The following OR1I1 variants were observed in gnomAD, a reference collection of about 807,000 sequenced individuals.
OR1I1 encodes the protein olfactory receptor family 1 subfamily I member 1, also known as olfactory receptor 1I1.
For synonymous variants in OR1I1, 171 were observed against 181.4 expected (o/e 0.94, Z 0.46); for missense variants, 451 against 443.6 (o/e 1.02, Z -0.15).
Position 15,087,951 on chromosome 19 carries a change from G to A in OR1I1, c.886G>A (p.Asp296Asn). Reference sequence around the variant, plus strand: ...CTTTATCTACAGCATACGGAACAAGGATATGAAGGCAGCCCTGGGGAAGCT... The same window carrying A: ...CTTTATCTACAGCATACGGAACAAGAATATGAAGGCAGCCCTGGGGAAGCT... ...NPFIYSIRNK[D>N]MKAALGKLIG... The change falls in exon 2 of 2, where the codon GAT becomes AAT. Residue 296 changes from aspartate (D) to asparagine (N), a missense_variant. By Grantham distance (23) the Asp-to-Asn change is conservative. Coordinates refer to ENST00000641398, the MANE Select transcript of OR1I1 (RefSeq NM_001004713.2). The A allele has an allele frequency of 6.2e-7, 1 of 1,614,032 alleles. No homozygotes were observed. Among genetic ancestry groups the A allele is most frequent in the African/African-American group, 1.3e-5 (1 of 75,042 alleles).
chr19:15,087,239 C>T lies in OR1I1; in HGVS notation c.174C>T (p.Pro58=). 6.2e-7 allele frequency: 1 copy of T among 1,614,098 alleles called. No homozygotes were observed. Among genetic ancestry groups the T allele is most frequent in the Non-Finnish European group, 8.5e-7 (1 of 1,179,998 alleles). The part of the protein sequence containing the change: ...AIITDSHLHT[P]MYFFLFNLSL... ...TCACGGACTCTCACCTCCACACACC[C>T]ATGTACTTCTTTCTCTTCAACCTCT... Residue 58 remains proline (P), a synonymous_variant, in exon 2 of 2, where the codon CCC becomes CCT. Coordinates refer to ENST00000641398, the MANE Select transcript of OR1I1 (RefSeq NM_001004713.2).
rs1480438899 is a variant in OR1I1 at position 15,089,022 on chromosome 19, A to G, written c.*889A>G. ...GGTCAGTCGATCGATTGATCAATCG[A>G]TCAACAGATAGATGATAGATAGATG... On this transcript the variant is annotated 3_prime_UTR_variant, in exon 2 of 2. Transcript: ENST00000641398. 1 of 151,562 alleles carries G rather than the reference A, an allele frequency of 6.6e-6. No homozygotes were observed. The highest frequency in any genetic ancestry group is 1.5e-5 in the Non-Finnish European group (1 of 67,880). 9.4% of individuals were successfully genotyped at this position (151,562 alleles called of 1,614,324 possible).
chr19:15,083,585 T>C (rs2145300921), intron 1 of OR1I1, among the ~76,000 whole-genome samples: 1 of 71,046 alleles, frequency 1.4e-5, no homozygotes, highest in East Asian at 3.2e-4. Flanking sequence ...AGTCCAACAC[T>C]AAAAAGCCTC....
chr19:15,089,027 CAGAT>C lies in OR1I1; in HGVS notation c.*899_*902del, dbSNP rs139050363. 436 of 150,352 alleles carry C rather than the reference CAGAT, an allele frequency of 2.9e-3. No homozygotes were observed. Among genetic ancestry groups the C allele is most frequent in the African/African-American group, 0.01 (421 of 40,926 alleles). The allele number at this position is 150,352 out of a possible 1,614,324, so 9.3% of individuals were successfully genotyped here. On this transcript the variant is annotated 3_prime_UTR_variant, in exon 2 of 2. Transcript: ENST00000641398. ...GTCGATCGATTGATCAATCGATCAA[CAGAT>C]AGATGATAGATAGATGGATGGATAG...
rs1466268760 is a variant in OR1I1 at position 15,087,372 on chromosome 19, G to A, written c.307G>A (p.Ala103Thr). The change falls in exon 2 of 2, where the codon GCC becomes ACC. Residue 103 changes from alanine (A) to threonine (T), a missense_variant. Ala to Thr is a moderately conservative substitution (Grantham distance 58). Coordinates refer to ENST00000641398, the MANE Select transcript of OR1I1 (RefSeq NM_001004713.2). The stretch of plus-strand genomic sequence containing the variant: ...TGTGGGCTGCCTCACCCAGATGTAT[G>A]CCTTCCACCTGTTCGGGACCATGGA... Reference protein sequence around the residue: ...PFVGCLTQMYAFHLFGTMDSF... With the variant: ...PFVGCLTQMYTFHLFGTMDSF... The A allele has an allele frequency of 1.9e-6, 3 of 1,614,166 alleles. No homozygotes were observed. Among genetic ancestry groups the A allele is most frequent in the Non-Finnish European group, 2.5e-6 (3 of 1,180,038 alleles).
Position 15,087,260 on chromosome 19 carries a change from C to G in OR1I1, c.195C>G (p.Asn65Lys), listed in dbSNP as rs759416088. 6.2e-6 allele frequency: 10 copies of G among 1,613,994 alleles called. No homozygotes were observed. The East Asian group carries it at 1.8e-4, about 29-fold the overall frequency. ...CACCCATGTACTTCTTTCTCTTCAACCTCTCACTCGTTGACACCCTATTAT... is the reference window on the plus strand; with the variant it reads ...CACCCATGTACTTCTTTCTCTTCAAGCTCTCACTCGTTGACACCCTATTAT... Reference protein sequence around the residue: ...LHTPMYFFLFNLSLVDTLLSS... With the variant: ...LHTPMYFFLFKLSLVDTLLSS... Residue 65 changes from asparagine to lysine, a missense_variant, in exon 2 of 2, where the codon AAC becomes AAG. Coordinates refer to ENST00000641398, the MANE Select transcript of OR1I1 (RefSeq NM_001004713.2).
rs1599311480 is a variant in OR1I1 at position 15,088,346 on chromosome 19, A to G, written c.*213A>G. 2 of 552,832 alleles carry G rather than the reference A, an allele frequency of 3.6e-6. No homozygotes were observed. The highest frequency in any genetic ancestry group is 3.3e-5 in the East Asian group (1 of 30,580). 34.2% of individuals were successfully genotyped at this position (552,832 alleles called of 1,614,324 possible). On this transcript the variant is annotated 3_prime_UTR_variant, in exon 2 of 2. Transcript: ENST00000641398. ...GTAGTTGAAAACAAGAGACGTAGCT[A>G]CACTCATTTTAGTATTGACAAAGGC...
At position 15,088,798 on chromosome 19, in the gene OR1I1, T is replaced by TAGATAGATAGAC. The variant is rs2046243740; in HGVS notation, c.*676_*677insCAGATAGATAGA. 2.2e-4 allele frequency: 23 copies of TAGATAGATAGAC among 106,514 alleles called. No individual in the cohort carries two copies. The highest frequency in any genetic ancestry group is 5.6e-4 in the African/African-American group (18 of 32,390). The allele number at this position is 106,514 out of a possible 1,614,324, so 6.6% of individuals were successfully genotyped here. On this transcript the variant is annotated 3_prime_UTR_variant, in exon 2 of 2. Transcript: ENST00000641398. ...GTAGATAGATAGATAGATAGATAGA[T>TAGATAGATAGAC]AGATAGATAGATAGATAGATAGATA...
rs1235348989 is a variant in OR1I1, at chr19:15,091,438, T to A, written c.*3305T>A. 6.6e-6 allele frequency: 1 copy of A among 152,138 alleles called. No individual in the cohort carries two copies. The highest frequency in any genetic ancestry group is 2.4e-5 in the African/African-American group (1 of 41,438). 9.4% of individuals were successfully genotyped at this position (152,138 alleles called of 1,614,324 possible). On this transcript the variant is annotated 3_prime_UTR_variant, in exon 2 of 2. Transcript: ENST00000641398. ...ACTTTGGGAGGCTGAGGTGGGCGGA[T>A]CATGAGGTCAGGAGATCAAGACCAT...
rs1197982612 is a variant in OR1I1 at position 15,087,870 on chromosome 19, C to G, written c.805C>G (p.Gln269Glu). The change falls in exon 2 of 2, where the codon CAG becomes GAG. Residue 269 changes from glutamine (Q) to glutamate (E), a missense_variant. Transcript: ENST00000641398. ...ACAGCCCACATCCCCCAGCTCCTCC[C>G]AGAAGGACAAGGCAGCCGCCCTAAT... ...YLQPTSPSSS[Q>E]KDKAAALMCG... The G allele has an allele frequency of 6.2e-7, 1 of 1,614,094 alleles. No individual in the cohort carries two copies. Among genetic ancestry groups the G allele is most frequent in the African/African-American group, 1.3e-5 (1 of 74,944 alleles).
At position 15,090,197 on chromosome 19, in the gene OR1I1, CTTTTTTTTTTTT is replaced by C. The variant is rs565809984; in HGVS notation, c.*2075_*2086del. 2 of 98,160 alleles carry C rather than the reference CTTTTTTTTTTTT, an allele frequency of 2.0e-5. No individual in the cohort carries two copies. Among genetic ancestry groups the C allele is most frequent in the African/African-American group, 7.7e-5 (2 of 26,012 alleles). The allele number at this position is 98,160 out of a possible 1,614,324, so 6.1% of individuals were successfully genotyped here. On this transcript the variant is annotated 3_prime_UTR_variant, in exon 2 of 2. Transcript: ENST00000641398. ...GGAATCAAAGCTGCTGACAACTGAT[CTTTTTTTTTTTT>C]TTTTTTTTTTGAGACGGAGTCTTGC...
In OR1I1 at chr19:15,091,132, T is replaced by C. The variant is rs2046254823; in HGVS notation, c.*2999T>C. The C allele has an allele frequency of 6.6e-6, 1 of 152,184 alleles. No individual in the cohort carries two copies. Among genetic ancestry groups the C allele is most frequent in the African/African-American group, 2.4e-5 (1 of 41,442 alleles). 9.4% of individuals were successfully genotyped at this position (152,184 alleles called of 1,614,324 possible). The stretch of plus-strand genomic sequence containing the variant: ...TAATGATGATGACAACCGAGATTTA[T>C]TATCTGAACAATGCTAACTCCTTTA... On this transcript the variant is annotated 3_prime_UTR_variant, in exon 2 of 2. Coordinates refer to ENST00000641398, the MANE Select transcript of OR1I1 (RefSeq NM_001004713.2).
At chr19:15,082,427 G>A (rs552435665) in intron 1 of OR1I1, among the ~76,000 whole-genome samples, 151 bp downstream of exon 1, 1 of 152,194 alleles carries the variant, frequency 6.6e-6, no homozygotes, top group South Asian at 2.1e-4. Context: ...AGCTGAGGGT[G>A]GGGGTGGAGG....
chr19:15,086,839 C>T, intron 1 of OR1I1: 3 of 657,484 alleles, frequency 4.6e-6, no homozygotes, highest in Non-Finnish European at 7.3e-6. Context: ...CCGTTAGATC[C>T]TTGAGACCCT....
chr19:15,085,264 A>G (rs10403857), intron 1 of OR1I1, among the ~76,000 whole-genome samples: 36,121 of 145,222 alleles, frequency 0.25, 4,917 homozygotes, highest in African/African-American at 0.35. Context: ...TCTGCCTCCC[A>G]GGTTCAAGCG....
At chr19:15,084,492 G>C (rs1275241981) in intron 1 of OR1I1, among the ~76,000 whole-genome samples, 1 of 151,776 alleles carries the variant, frequency 6.6e-6, no homozygotes, top group African/African-American at 2.4e-5. Context: ...CAGGAGGCGG[G>C]GGTTGCAGTG....
In OR1I1 at chr19:15,083,275, T is replaced by G. The variant is rs375092886; in HGVS notation, c.-14+999T>G. Among the ~76,000 whole-genome samples, 172 of 142,116 alleles carry G rather than the reference T, an allele frequency of 1.2e-3. 1 individual carries two copies. Among genetic ancestry groups the G allele is most frequent in the African/African-American group, 4.3e-3 (169 of 39,760 alleles). The allele number at this position is 142,116 out of a possible 152,430, so 93.2% of individuals were successfully genotyped here. On this transcript the variant is annotated intron_variant, in intron 1 of 1. Coordinates refer to ENST00000641398, the MANE Select transcript of OR1I1 (RefSeq NM_001004713.2). ...ATTTTTTGTAGATCCAGGGCGGGATTGGGGGTGGGGTGGCCTCACTTTGTC... is the reference window on the plus strand; with the variant it reads ...ATTTTTTGTAGATCCAGGGCGGGATGGGGGGTGGGGTGGCCTCACTTTGTC...
At chr19:15,082,687 T>A (rs981816679) in intron 1 of OR1I1, among the ~76,000 whole-genome samples, 7 of 150,132 alleles carry the variant, frequency 4.7e-5, no homozygotes, top group African/African-American at 1.5e-4. Flanking sequence ...ACCAGCATCC[T>A]CTGGAAACTA....
intron 1 of OR1I1, among the ~76,000 whole-genome samples, chr19:15,085,200 C>T (rs1260635210): frequency 3.7e-5 from 4 of 107,526 alleles, no homozygotes; most frequent in Admixed American, 1.2e-4. Flanking sequence ...GACAGAGTTT[C>T]GCTCTTGTTG....
Sources: allele counts gnomAD v4.1 joint callset (sites outside exome capture counted in the v4.1 genomes callset), GRCh38; gene constraint gnomAD v4.1.1; transcripts MANE v1.5; gene names NCBI Gene and HGNC (gene_info 2026-07-23, HGNC 2026-07-21).